NR1H3: variants seen among roughly 807,000 people sequenced by gnomAD.
NR1H3 encodes oxysterols receptor LXR-alpha.
A neutral mutation model predicts 48.1 loss-of-function variants in NR1H3; 19 were observed. That is an observed-to-expected ratio of 0.40 (90% CI 0.28 to 0.58). The LOEUF is 0.58. Ranked by LOEUF, NR1H3 falls within the 20% of genes least tolerant of loss-of-function variation. The pLI is 0.50. For missense variants in NR1H3, 486 were observed against 595.9 expected (o/e 0.82, Z 1.92); for synonymous variants, 232 against 227.3 (o/e 1.02, Z -0.19).
At chr11:47,255,597 C>CTTTCTTTCTT (rs1391184705), upstream of NR1H3, among the ~76,000 whole-genome samples, 10 of 83,532 alleles carry the variant, frequency 1.2e-4, no homozygotes, top group African/African-American at 3.1e-4. Flanking sequence ...TTCTTTCTTT[C>CTTTCTTTCTT]TCTCTCTCTC....
chr11:47,266,206 G>A (rs1023673488), intron 7 of NR1H3, among the ~76,000 whole-genome samples: 1 of 151,980 alleles, frequency 6.6e-6, no homozygotes, highest in East Asian at 1.9e-4. Flanking sequence ...ACAGGGTCTC[G>A]CTCTGTCGCC....
rs773012061 is a variant in NR1H3 at position 47,262,033 on chromosome 11, C to A, written c.988+15C>A. 2 of 1,579,000 alleles carry A rather than the reference C, an allele frequency of 1.3e-6. No homozygotes were observed. Among genetic ancestry groups the A allele is most frequent in the Non-Finnish European group, 1.7e-6 (2 of 1,148,568 alleles). Reference sequence around the variant, plus strand: ...TGCCAAAGCAGGTGAGAACTGAGATCACACAGGGATTGGGGTTGGGTGGAC... The same window carrying A: ...TGCCAAAGCAGGTGAGAACTGAGATAACACAGGGATTGGGGTTGGGTGGAC... On this transcript the variant is annotated intron_variant, in intron 7 of 9. Transcript: ENST00000441012.
chr11:47,254,612 C>G (rs564431860), upstream of NR1H3, among the ~76,000 whole-genome samples: 1 of 152,102 alleles, frequency 6.6e-6, no homozygotes, highest in South Asian at 2.1e-4. Context: ...TGAGGGGGAA[C>G]AAAAGCAAAA....
chr11:47,248,409 A>T, upstream of NR1H3: 1 of 1,526,696 alleles, frequency 6.6e-7, no homozygotes, highest in Non-Finnish European at 8.8e-7. Context: ...ACAACTGGGG[A>T]AAAAAGATAA....
At chr11:47,267,239 C>T (rs1444801090) in intron 7 of NR1H3, among the ~76,000 whole-genome samples, 4 of 151,910 alleles carry the variant, frequency 2.6e-5, no homozygotes, top group Non-Finnish European at 5.9e-5. Flanking sequence ...CCCGGGAGGT[C>T]GAGGCTGCAG....
In NR1H3 at chr11:47,268,708, C is replaced by T; in HGVS notation, c.*12C>T. Reference sequence around the variant, plus strand: ...ATGTGCACGAATGACTGTTCTGTCCCCATATTTTCTGTTTTCTTGGCCGGA... The same window carrying T: ...ATGTGCACGAATGACTGTTCTGTCCTCATATTTTCTGTTTTCTTGGCCGGA... On this transcript the variant is annotated 3_prime_UTR_variant, in exon 10 of 10. Coordinates refer to ENST00000441012, the MANE Select transcript of NR1H3 (RefSeq NM_005693.4). 6.2e-7 allele frequency: 1 copy of T among 1,611,596 alleles called. No homozygotes were observed. The highest frequency in any genetic ancestry group is 1.1e-5 in the South Asian group (1 of 90,970).
Position 47,259,262 on chromosome 11 carries a change from A to G in NR1H3, c.43+3A>G. ...CCCTGTGCCTGACATTCCTCCTGGTAAGCTTCATTCCATCCCTCTCCCCTG... is the reference window on the plus strand; with the variant it reads ...CCCTGTGCCTGACATTCCTCCTGGTGAGCTTCATTCCATCCCTCTCCCCTG... On this transcript the variant is annotated splice_donor_region_variant and intron_variant, in intron 2 of 9. Transcript: ENST00000441012. The G allele has an allele frequency of 6.2e-7, 1 of 1,614,018 alleles. No individual in the cohort carries two copies. The highest frequency in any genetic ancestry group is 1.1e-5 in the South Asian group (1 of 91,072).
At chr11:47,261,141 C>A in intron 4 of NR1H3, 100 bp from the exon 5 acceptor site, 1 of 828,924 alleles carries the variant, frequency 1.2e-6, no homozygotes, top group Non-Finnish European at 1.8e-6. Context: ...GAGCCCCAAA[C>A]CACCCCCTTT....
intron 1 of NR1H3, among the ~76,000 whole-genome samples, chr11:47,251,291 C>T (rs1476037420): frequency 6.6e-6 from 1 of 152,052 alleles, no homozygotes; most frequent in African/African-American, 2.4e-5. Context: ...AGGTATCTGT[C>T]AAAGGAAACC....
Position 47,268,375 on chromosome 11 carries a change from TC to T in NR1H3, c.1197+22del, listed in dbSNP as rs1241067618. 2 of 1,610,702 alleles carry T rather than the reference TC, an allele frequency of 1.2e-6. No homozygotes were observed. The highest frequency in any genetic ancestry group is 8.5e-7 in the Non-Finnish European group (1 of 1,176,898). On this transcript the variant is annotated intron_variant, in intron 9 of 9. Coordinates refer to ENST00000441012, the MANE Select transcript of NR1H3 (RefSeq NM_005693.4). ...CCCCATGTGAGTCTCCCCATGGTGT[TC>T]CTTTTCCTCCTTCCCACACACAGGC...
chr11:47,259,738 G>A (rs753648569), intron 2 of NR1H3, 53 bp from the exon 3 acceptor site: 25 of 1,607,738 alleles, frequency 1.6e-5, no homozygotes, highest in South Asian at 4.4e-5. Context: ...ACGCTGGGCC[G>A]TGGAGCCGGG....
At chr11:47,260,028 C>T in intron 3 of NR1H3, 49 bp downstream of exon 3, 1 of 1,430,334 alleles carries the variant, frequency 7.0e-7, no homozygotes, top group South Asian at 1.5e-5. Context: ...ATTCCAGGTC[C>T]TGGATCTGGA....
At chr11:47,260,024 G>A (rs767610638) in intron 3 of NR1H3, 45 bp downstream of exon 3, 4 of 1,445,990 alleles carry the variant, frequency 2.8e-6, no homozygotes, top group African/African-American at 2.9e-5. Flanking sequence ...CCAGATTCCA[G>A]GTCCTGGATC....
In NR1H3 at chr11:47,258,929, A is replaced by G. The variant is rs577939019; in HGVS notation, c.-37-251A>G. On this transcript the variant is annotated intron_variant, in intron 1 of 9. Coordinates refer to ENST00000441012, the MANE Select transcript of NR1H3 (RefSeq NM_005693.4). ...AGTGGCTTACTCCAATAATCCCCACACTTTGGGAGGCCCAGGTGAGAGGAT... is the reference window on the plus strand; with the variant it reads ...AGTGGCTTACTCCAATAATCCCCACGCTTTGGGAGGCCCAGGTGAGAGGAT... 7.2e-4 allele frequency: 356 copies of G among 492,316 alleles called. 1 individual carries two copies. Among genetic ancestry groups the G allele is most frequent in the Admixed American group, 1.9e-3 (54 of 28,816 alleles). 30.5% of individuals were successfully genotyped at this position (492,316 alleles called of 1,614,324 possible).
At chr11:47,260,272 T>C in intron 3 of NR1H3, 137 bp from the exon 4 acceptor site, 1 of 1,243,898 alleles carries the variant, frequency 8.0e-7, no homozygotes, top group Non-Finnish European at 1.1e-6. Flanking sequence ...TGAGGGCTAC[T>C]CTTCTCATAA....
At chr11:47,250,562 A>G (rs2135558711) in intron 1 of NR1H3, 1 of 152,248 alleles carries the variant, frequency 6.6e-6, no homozygotes, top group East Asian at 1.9e-4. Flanking sequence ...GTAAGAGCCA[A>G]AGCCTGGGTA....
chr11:47,252,082 A>G (rs1954710050), intron 1 of NR1H3, among the ~76,000 whole-genome samples: 1 of 151,632 alleles, frequency 6.6e-6, no homozygotes, highest in Non-Finnish European at 1.5e-5. Context: ...AAAAAAAAAC[A>G]CATGTAGATA....
In NR1H3 at chr11:47,268,609, C is replaced by T; in HGVS notation, c.1257C>T (p.Ser419=). 3.1e-6 allele frequency: 5 copies of T among 1,614,156 alleles called. No homozygotes were observed. The highest frequency in any genetic ancestry group is 2.2e-5 in the East Asian group (1 of 44,880). Residue 419 remains serine, a synonymous_variant, in exon 10 of 10, where the codon AGC becomes AGT. Transcript: ENST00000441012. ...MKLVSLRTLS[S]VHSEQVFALR... is the part of the protein sequence containing the mutation. ...TGGTGAGCCTCCGGACCCTGAGCAG[C>T]GTCCACTCAGAGCAAGTGTTTGCAC...
At position 47,267,960 on chromosome 11, in the gene NR1H3, A is replaced by G. The variant is rs765756601; in HGVS notation, c.1036A>G (p.Met346Val). The G allele has an allele frequency of 1.4e-5, 23 of 1,614,166 alleles. No individual in the cohort carries two copies. The highest frequency in any genetic ancestry group is 1.2e-4 in the Admixed American group (7 of 60,022). The stretch of plus-strand genomic sequence containing the variant: ...CCCCATCTTCGAGTTCTCCAGGGCC[A>G]TGAATGAGCTGCAACTCAATGATGC... The part of the protein sequence containing the change: ...INPIFEFSRA[M>V]NELQLNDAEF... Residue 346 changes from methionine to valine, a missense_variant, in exon 8 of 10, where the codon ATG (methionine) becomes GTG (valine). Met to Val is a conservative substitution (Grantham distance 21). Coordinates refer to ENST00000441012, the MANE Select transcript of NR1H3 (RefSeq NM_005693.4).
Sources: gnomAD v4.1 joint callset for allele counts (sites outside exome capture counted in the v4.1 genomes callset) on GRCh38, gnomAD v4.1.1 for gene constraint, MANE v1.5 for transcripts, NCBI Gene and HGNC (gene_info 2026-07-23, HGNC 2026-07-21) for gene names.